ITPR1: variants seen among roughly 807,000 people sequenced by gnomAD.
ITPR1 encodes the protein inositol 1,4,5-trisphosphate-gated calcium channel ITPR1.
A neutral mutation model predicts 318.4 loss-of-function variants in ITPR1; 96 were observed. That is an observed-to-expected ratio of 0.30 (90% CI 0.26 to 0.36). The LOEUF (loss-of-function observed/expected upper bound fraction) is 0.36. Among genes scored for constraint, ITPR1 ranks in the 10% least tolerant of loss-of-function variants. The pLI, the probability that ITPR1 is intolerant of heterozygous loss-of-function variation, is 1.00. For missense variants in ITPR1, 2,440 were observed against 3,460.2 expected (o/e 0.71, Z 7.40); for synonymous variants, 1,312 against 1,289.9 (o/e 1.02, Z -0.37).
intron 56 of ITPR1, among the ~76,000 whole-genome samples, chr3:4,812,734 G>T (rs887040068): frequency 6.6e-6 from 1 of 152,160 alleles, no homozygotes; most frequent in African/African-American, 2.4e-5. Flanking sequence ...GACACTAAGT[G>T]ACATTTACTG....
chr3:4,644,916 C>T (rs555318146), intron 8 of ITPR1, among the ~76,000 whole-genome samples: 1 of 152,100 alleles, frequency 6.6e-6, no homozygotes, highest in East Asian at 1.9e-4. Context: ...GGAGATTGTG[C>T]GTGTTAGCAC....
chr3:4,662,307 G>A (rs1257448751), intron 15 of ITPR1, 65 bp downstream of exon 15: 21 of 1,369,518 alleles, frequency 1.5e-5, no homozygotes, highest in Non-Finnish European at 1.9e-5. Flanking sequence ...CATCCATGGG[G>A]TGGAGTGAGA....
intron 2 of ITPR1, among the ~76,000 whole-genome samples, chr3:4,502,581 C>T (rs1350107427): frequency 6.6e-6 from 1 of 151,954 alleles, no homozygotes; most frequent in Non-Finnish European, 1.5e-5. Context: ...GCTGGGTCTA[C>T]AGGCATGTGC....
In ITPR1 at chr3:4,829,964, T is replaced by G. The variant is rs1449007889; in HGVS notation, c.8029-6810T>G. ...AAAACATGTATAACAGTTTTTTTTT[T>G]TTTTTTTTTTTTTTTGTGTGTGTGT... On this transcript the variant is annotated intron_variant, in intron 60 of 61. Transcript: ENST00000649015. Among the ~76,000 whole-genome samples the G allele has an allele frequency of 4.0e-5, 4 of 99,220 alleles. No homozygotes were observed. In the East Asian group the frequency reaches 9.4e-4, roughly 23 times the overall value. 65.1% of individuals were successfully genotyped at this position (99,220 alleles called of 152,430 possible). A position where few individuals can be genotyped will look rare whatever the true frequency, so the allele number is the denominator to read the frequency against.
intron 42 of ITPR1, among the ~76,000 whole-genome samples, chr3:4,731,422 A>G (rs1244235593): frequency 6.6e-6 from 1 of 152,224 alleles, no homozygotes; most frequent in Non-Finnish European, 1.5e-5. Context: ...CACTCTTGGA[A>G]TTTTGAATTT....
chr3:4,570,254 A>G (rs767901322), intron 4 of ITPR1, among the ~76,000 whole-genome samples: 2 of 152,262 alleles, frequency 1.3e-5, no homozygotes, highest in Non-Finnish European at 2.9e-5. Flanking sequence ...TGTTAATTTC[A>G]GTTCATCATG....
At chr3:4,704,796 CTG>C (rs2094723673) in intron 36 of ITPR1, among the ~76,000 whole-genome samples, 1 of 151,944 alleles carries the variant, frequency 6.6e-6, no homozygotes, top group Non-Finnish European at 1.5e-5. Flanking sequence ...AGAGTCCCCT[CTG>C]TGCCTCTTGG....
intron 40 of ITPR1, 29 bp downstream of exon 40, chr3:4,717,428 A>G (rs766466196): frequency 2.6e-6 from 4 of 1,565,602 alleles, no homozygotes; most frequent in Non-Finnish European, 3.5e-6. Context: ...TTTGTTTTTC[A>G]TGTCTCATGG....
At chr3:4,561,154 G>A (rs1213226561) in intron 4 of ITPR1, among the ~76,000 whole-genome samples, 1 of 152,174 alleles carries the variant, frequency 6.6e-6, no homozygotes, top group African/African-American at 2.4e-5. Context: ...TGTAAGTGCT[G>A]AGTCGTTTTG....
intron 32 of ITPR1, among the ~76,000 whole-genome samples, chr3:4,691,933 C>A (rs1010636647): frequency 6.6e-5 from 10 of 152,284 alleles, no homozygotes; most frequent in African/African-American, 2.2e-4. Context: ...AGGAGCATCA[C>A]TTGAGGCCAG....
chr3:4,684,464 C>A, intron 29 of ITPR1, 118 bp downstream of exon 29: 1 of 733,004 alleles, frequency 1.4e-6, no homozygotes, highest in Non-Finnish European at 2.3e-6. Flanking sequence ...TGTGGTTTAA[C>A]AGGGAGAAAG....
intron 6 of ITPR1, among the ~76,000 whole-genome samples, chr3:4,639,837 G>T (rs2093296367): frequency 1.3e-5 from 2 of 152,114 alleles, no homozygotes; most frequent in African/African-American, 4.8e-5. Context: ...TTTATCTACT[G>T]GCCTAAAACA....
At chr3:4,552,749 A>T (rs1374118347) in intron 4 of ITPR1, among the ~76,000 whole-genome samples, 1 of 152,186 alleles carries the variant, frequency 6.6e-6, no homozygotes, top group African/African-American at 2.4e-5. Context: ...TTCTGGGCTG[A>T]AAGCTGGACC....
intron 5 of ITPR1, among the ~76,000 whole-genome samples, chr3:4,631,941 T>C (rs1287834735): frequency 6.6e-6 from 1 of 152,180 alleles, no homozygotes; most frequent in African/African-American, 2.4e-5. Context: ...CATGGACTAC[T>C]GCGCCCAGCC....
intron 7 of ITPR1, 49 bp downstream of exon 7, chr3:4,642,300 G>T: frequency 7.0e-7 from 1 of 1,428,622 alleles, no homozygotes; most frequent in Non-Finnish European, 9.3e-7. Flanking sequence ...ATGCTTCCAA[G>T]CATGACTGTA....
intron 28 of ITPR1, 54 bp downstream of exon 28, chr3:4,683,852 T>C: frequency 6.7e-7 from 1 of 1,495,100 alleles, no homozygotes; most frequent in Non-Finnish European, 9.2e-7. Context: ...TTCTCGAAAC[T>C]AGGGAGCATC....
Position 4,729,923 on chromosome 3 carries a change from A to C in ITPR1, c.5220+2750A>C, listed in dbSNP as rs1441044322. Among the ~76,000 whole-genome samples the C allele has an allele frequency of 5.0e-5, 6 of 119,822 alleles. No individual in the cohort carries two copies. The East Asian group carries it at 1.2e-3, about 24-fold the overall frequency. The allele number at this position is 119,822 out of a possible 152,430, so 78.6% of individuals were successfully genotyped here. ...GCTGAAGAAGTGACGTTATTTTAGA[A>C]GTCTTTTTTTTTTTTTTTCCTTCTC... On this transcript the variant is annotated intron_variant, in intron 42 of 61. Transcript: ENST00000649015.
At chr3:4,501,961 A>C (rs1236068296) in intron 2 of ITPR1, among the ~76,000 whole-genome samples, 1 of 152,246 alleles carries the variant, frequency 6.6e-6, no homozygotes, top group Non-Finnish European at 1.5e-5. Context: ...AGATGAACAT[A>C]AGAAAAATAT....
At chr3:4,780,332 C>T (rs2046746469) in intron 49 of ITPR1, among the ~76,000 whole-genome samples, 1 of 152,122 alleles carries the variant, frequency 6.6e-6, no homozygotes, top group African/African-American at 2.4e-5. Flanking sequence ...TGCCAAGAGT[C>T]TGAGCTACAG....
Sources: allele counts gnomAD v4.1 joint callset (sites outside exome capture counted in the v4.1 genomes callset), GRCh38; gene constraint gnomAD v4.1.1; transcripts MANE v1.5; gene names NCBI Gene and HGNC (gene_info 2026-07-23, HGNC 2026-07-21).